Variants in BCAS3 observed in about 807,000 individuals in gnomAD.
The protein encoded by BCAS3 is BCAS4/BCAS3 fusion.
BCAS3 carries 53 observed loss-of-function variants against 116.1 expected under a neutral mutation model. That is an observed-to-expected ratio of 0.46 (90% CI 0.37 to 0.57). BCAS3 has a LOEUF of 0.57. BCAS3 is among the 20% of genes least tolerant of loss of function. BCAS3 has a pLI of 0.00. For missense variants in BCAS3, 917 were observed against 1,165.4 expected (o/e 0.79, Z 3.10); for synonymous variants, 391 against 408.2 (o/e 0.96, Z 0.51).
At chr17:60,879,397 G>C (rs2055908281) in intron 9 of BCAS3, among the ~76,000 whole-genome samples, 2 of 152,206 alleles carry the variant, frequency 1.3e-5, no homozygotes, top group South Asian at 4.1e-4. Context: ...AGCATCATGG[G>C]AATTTGTGCC....
intron 20 of BCAS3, among the ~76,000 whole-genome samples, chr17:61,076,625 C>G (rs2072016452): frequency 6.6e-6 from 1 of 152,168 alleles, no homozygotes; most frequent in African/African-American, 2.4e-5. Flanking sequence ...TGTGTGCTGT[C>G]AGTGTGAAAG....
rs1468597920 is a variant in BCAS3 at position 61,106,102 on chromosome 17, G to C, written c.2425+21538G>C. 6.6e-6 allele frequency among the ~76,000 whole-genome samples: 1 copy of C among 152,138 alleles called. No individual in the cohort carries two copies. Among genetic ancestry groups the C allele is most frequent in the Non-Finnish European group, 1.5e-5 (1 of 68,034 alleles). On this transcript the variant is annotated intron_variant, in intron 22 of 23. Coordinates refer to ENST00000407086, the MANE Select transcript of BCAS3 (RefSeq NM_017679.5). This position sits in a 1 kb window ranked among gnomAD's most constrained non-coding sequence, Gnocchi z 4.2. ...CTTTATTTTACTTAATGGCCCCAAA[G>C]CACAAGGGTTGATGCTGGCATATTG...
Position 61,229,783 on chromosome 17 carries a change from G to A in BCAS3, c.2426-138544G>A, listed in dbSNP as rs574723328. Among the ~76,000 whole-genome samples the A allele has an allele frequency of 8.7e-4, 133 of 152,258 alleles. No individual in the cohort carries two copies. Among genetic ancestry groups the A allele is most frequent in the African/African-American group, 2.8e-3 (116 of 41,560 alleles). ...TAGATATGGAGCCACAACCTTGCCT[G>A]CTACCAGCTGAAAATTCTCCTGAAG... On this transcript the variant is annotated intron_variant, in intron 22 of 23. Coordinates refer to ENST00000407086, the MANE Select transcript of BCAS3 (RefSeq NM_017679.5). This position sits in a 1 kb window ranked among gnomAD's most constrained non-coding sequence, Gnocchi z 4.4.
chr17:60,859,167 A>G (rs1005317016), intron 7 of BCAS3, among the ~76,000 whole-genome samples: 4 of 152,190 alleles, frequency 2.6e-5, no homozygotes, highest in African/African-American at 9.7e-5. Context: ...GAGAGTTAGC[A>G]AGAAAAACTT....
Position 61,026,256 on chromosome 17 carries a change from A to G in BCAS3, c.1638-8410A>G, listed in dbSNP as rs1426824088. 6.6e-6 allele frequency among the ~76,000 whole-genome samples: 1 copy of G among 152,108 alleles called. No homozygotes were observed. The highest frequency in any genetic ancestry group is 2.4e-5 in the African/African-American group (1 of 41,458). ...AAGGAAGCTAACCTCTTAGACCACT[A>G]TTAAGAGATATCCTAATTTCCTGGA... On this transcript the variant is annotated intron_variant, in intron 16 of 23. Transcript: ENST00000407086. This position sits in a 1 kb window ranked among gnomAD's most constrained non-coding sequence, Gnocchi z 5.0.
intron 22 of BCAS3, among the ~76,000 whole-genome samples, chr17:61,216,482 T>G (rs898220252): frequency 2.0e-5 from 3 of 152,136 alleles, no homozygotes; most frequent in African/African-American, 2.4e-5. Flanking sequence ...TATGTATCAT[T>G]GTACCTATGA....
intron 22 of BCAS3, among the ~76,000 whole-genome samples, chr17:61,146,202 G>A (rs2077199082): frequency 6.6e-6 from 1 of 151,628 alleles, no homozygotes; most frequent in African/African-American, 2.4e-5. Flanking sequence ...CACCTCCTGG[G>A]CTGAAGTGAT....
At chr17:60,774,624 C>T (rs897333556) in intron 6 of BCAS3, among the ~76,000 whole-genome samples, 5 of 152,230 alleles carry the variant, frequency 3.3e-5, no homozygotes, top group African/African-American at 1.2e-4. Context: ...TCAATACTTT[C>T]TCTTACTCTT....
chr17:60,917,789 C>T (rs936661137), intron 12 of BCAS3, among the ~76,000 whole-genome samples: 4 of 152,060 alleles, frequency 2.6e-5, no homozygotes, highest in African/African-American at 9.7e-5. Flanking sequence ...GACAAGGTTT[C>T]GCTATGTTGG....
intron 15 of BCAS3, among the ~76,000 whole-genome samples, chr17:60,996,101 G>A (rs768713173): frequency 5.9e-5 from 9 of 152,130 alleles, no homozygotes; most frequent in African/African-American, 1.9e-4. Context: ...TGATGAGATC[G>A]GAGAGGTAAT....
At chr17:61,176,032 C>T (rs1002430663) in intron 22 of BCAS3, among the ~76,000 whole-genome samples, 23 of 149,064 alleles carry the variant, frequency 1.5e-4, no homozygotes, top group African/African-American at 3.0e-4. Context: ...CCAGCTACTC[C>T]GGAGGCTGAG....
Position 61,363,107 on chromosome 17 carries a change from T to C in BCAS3, c.2426-5220T>C, listed in dbSNP as rs1355725837. On this transcript the variant is annotated intron_variant, in intron 22 of 23. Transcript: ENST00000407086. The surrounding 1 kb of genome is among the most constrained non-coding windows in gnomAD (Gnocchi z 4.9). ...CTAAACTAGTTAGAAAAGCAGTTCA[T>C]GTGAACAGTGTAAGGCAGTACGGAA... Among the ~76,000 whole-genome samples, 1 of 152,210 alleles carries C rather than the reference T, an allele frequency of 6.6e-6. No homozygotes were observed. The highest frequency in any genetic ancestry group is 1.5e-5 in the Non-Finnish European group (1 of 68,036).
intron 22 of BCAS3, among the ~76,000 whole-genome samples, chr17:61,164,712 G>C (rs546126008): frequency 1.3e-5 from 2 of 152,068 alleles, no homozygotes; most frequent in African/African-American, 4.8e-5. Context: ...GGTGTCATGC[G>C]CTTGGACTTC....
intron 22 of BCAS3, among the ~76,000 whole-genome samples, chr17:61,120,909 G>C (rs1400338034): frequency 1.3e-5 from 2 of 151,728 alleles, no homozygotes; most frequent in Non-Finnish European, 2.9e-5. Flanking sequence ...CCATCTCCTT[G>C]TTTTTACTAC....
At chr17:61,112,733 G>A (rs1479168387) in intron 22 of BCAS3, among the ~76,000 whole-genome samples, 65 of 149,488 alleles carry the variant, frequency 4.3e-4, no homozygotes, top group Admixed American at 1.0e-3. Flanking sequence ...TGCACCAAGC[G>A]GACCTAATAG....
At chr17:61,373,191 G>C (rs966024628) in intron 23 of BCAS3, among the ~76,000 whole-genome samples, 6 of 150,948 alleles carry the variant, frequency 4.0e-5, no homozygotes. Flanking sequence ...CTGGGTTCAA[G>C]CAATTCTCCT....
At chr17:60,931,333 T>G (rs1408560973) in intron 13 of BCAS3, among the ~76,000 whole-genome samples, 3 of 152,168 alleles carry the variant, frequency 2.0e-5, no homozygotes, top group Non-Finnish European at 4.4e-5. Flanking sequence ...TGGAGTGCAG[T>G]GGCACAATTT....
At chr17:61,266,749 G>A (rs762702466) in intron 22 of BCAS3, among the ~76,000 whole-genome samples, 2 of 152,072 alleles carry the variant, frequency 1.3e-5, no homozygotes, top group African/African-American at 4.8e-5. Flanking sequence ...ATCCCATTTC[G>A]TGTTAGAAAT....
In BCAS3 at chr17:61,352,293, C is replaced by T. The variant is rs1602971532; in HGVS notation, c.2426-16034C>T. On this transcript the variant is annotated intron_variant, in intron 22 of 23. Transcript: ENST00000407086. This position sits in a 1 kb window ranked among gnomAD's most constrained non-coding sequence, Gnocchi z 4.7. ...CATGGATGAATCCAATCTTCTAATC[C>T]AGTATGTACCTTAGGCCCAAAGATA... is the stretch of plus-strand genomic sequence containing the variant. Among the ~76,000 whole-genome samples the T allele has an allele frequency of 6.6e-6, 1 of 152,242 alleles. No homozygotes were observed. Among genetic ancestry groups the T allele is most frequent in the Middle Eastern group, 3.4e-3 (1 of 292 alleles).
Sources: allele counts gnomAD v4.1 joint callset (sites outside exome capture counted in the v4.1 genomes callset), GRCh38; gene constraint gnomAD v4.1.1; non-coding constraint Gnocchi (gnomAD v3.1); transcripts MANE v1.5; gene names NCBI Gene and HGNC (gene_info 2026-07-23, HGNC 2026-07-21).